LRRTM4: variants seen among roughly 807,000 people sequenced by gnomAD.
LRRTM4 encodes leucine-rich repeat transmembrane neuronal protein 4.
Under a neutral mutation model 47.6 loss-of-function variants are expected in LRRTM4, and 25 were observed. The ratio of observed to expected loss-of-function variants is 0.53; its 90% CI spans 0.38 to 0.73. The LOEUF (loss-of-function observed/expected upper bound fraction) is 0.73. LRRTM4 is among the 30% of genes least tolerant of loss of function. The pLI, the probability that LRRTM4 is intolerant of heterozygous loss-of-function variation, is 0.00. For synonymous variants in LRRTM4, 311 were observed against 269.5 expected (o/e 1.15, Z -1.51); for missense variants, 638 against 713.4 (o/e 0.89, Z 1.20).
intron 3 of LRRTM4, among the ~76,000 whole-genome samples, chr2:77,462,886 C>CATGT (rs573737033): frequency 5.3e-5 from 8 of 149,766 alleles, no homozygotes; most frequent in South Asian, 4.2e-4. Context: ...GAATGGTGTG[C>CATGT]ATGTGTGTGT....
chr2:77,393,262 T>C (rs1350281800), intron 3 of LRRTM4, among the ~76,000 whole-genome samples: 1 of 152,024 alleles, frequency 6.6e-6, no homozygotes, highest in East Asian at 1.9e-4. Flanking sequence ...TTTAGCCATG[T>C]GTCCTATATT....
intron 3 of LRRTM4, among the ~76,000 whole-genome samples, chr2:77,431,056 T>A (rs1447301545): frequency 2.0e-5 from 3 of 148,868 alleles, no homozygotes; most frequent in Admixed American, 6.6e-5. Context: ...GCATCTCAGG[T>A]CTTCTGCCTA....
At chr2:77,394,214 T>C (rs1189085060) in intron 3 of LRRTM4, among the ~76,000 whole-genome samples, 7 of 151,914 alleles carry the variant, frequency 4.6e-5, no homozygotes, top group Admixed American at 4.6e-4. Flanking sequence ...GAAAATAAAT[T>C]TAAAAATTTA....
intron 3 of LRRTM4, among the ~76,000 whole-genome samples, chr2:76,926,732 T>C (rs894910396): frequency 2.0e-5 from 3 of 152,030 alleles, no homozygotes; most frequent in Non-Finnish European, 2.9e-5. Flanking sequence ...TACTACCAGA[T>C]GCCAGCCACT....
At chr2:76,861,295 T>G (rs1424544288) in intron 3 of LRRTM4, among the ~76,000 whole-genome samples, 4 of 152,302 alleles carry the variant, frequency 2.6e-5, no homozygotes, top group African/African-American at 9.6e-5. Context: ...ACACATGAAA[T>G]ATCAGGCTAA....
chr2:77,360,238 A>C (rs1672137074), intron 3 of LRRTM4, among the ~76,000 whole-genome samples: 1 of 152,124 alleles, frequency 6.6e-6, no homozygotes, highest in Non-Finnish European at 1.5e-5. Flanking sequence ...TGGGCGAATC[A>C]CGAGGTCAGG....
intron 3 of LRRTM4, among the ~76,000 whole-genome samples, chr2:76,819,772 G>A (rs1671002618): frequency 6.6e-6 from 1 of 151,884 alleles, no homozygotes; most frequent in Non-Finnish European, 1.5e-5. Flanking sequence ...TCATATTTCA[G>A]CAGTAGATCT....
chr2:77,282,979 CA>C (rs1676547804), intron 3 of LRRTM4, among the ~76,000 whole-genome samples: 1 of 151,444 alleles, frequency 6.6e-6, no homozygotes, highest in African/African-American at 2.4e-5. Flanking sequence ...GCAACAAAAA[CA>C]AAAATTGACA....
At chr2:77,349,084 G>A (rs1671669614) in intron 3 of LRRTM4, among the ~76,000 whole-genome samples, 1 of 151,848 alleles carries the variant, frequency 6.6e-6, no homozygotes, top group Non-Finnish European at 1.5e-5. Context: ...AATCAACAGT[G>A]TTTTGGAGGA....
At chr2:77,207,372 T>TACACACACAC (rs66858623) in intron 3 of LRRTM4, among the ~76,000 whole-genome samples, 10 of 131,094 alleles carry the variant, frequency 7.6e-5, no homozygotes, top group South Asian at 5.0e-4. Context: ...TATATATATA[T>TACACACACAC]ACACACACAC....
intron 3 of LRRTM4, among the ~76,000 whole-genome samples, chr2:77,501,143 T>C (rs1169875816): frequency 1.3e-5 from 2 of 150,416 alleles, no homozygotes; most frequent in Non-Finnish European, 3.0e-5. Context: ...TATATGTATA[T>C]ATATCATTTT....
chr2:77,059,581 A>G (rs907205743), intron 3 of LRRTM4, among the ~76,000 whole-genome samples: 20 of 152,134 alleles, frequency 1.3e-4, no homozygotes, highest in African/African-American at 3.4e-4. Context: ...AGACTCAATA[A>G]TTTTGTTTTC....
chr2:77,131,104 G>A (rs1442984180), intron 3 of LRRTM4, among the ~76,000 whole-genome samples: 2 of 151,918 alleles, frequency 1.3e-5, no homozygotes, highest in Non-Finnish European at 2.9e-5. Context: ...AAAGTGCTGG[G>A]ATTACAGGCG....
intron 3 of LRRTM4, among the ~76,000 whole-genome samples, chr2:77,202,039 G>A (rs1010953612): frequency 2.6e-5 from 4 of 152,136 alleles, no homozygotes; most frequent in South Asian, 2.1e-4. Context: ...TTAAGTCCCC[G>A]GCATTGTGCA....
In LRRTM4 at chr2:77,018,040, TACTTG is replaced by T. The variant is rs539290078; in HGVS notation, c.1552-269129_1552-269125del. ...CTATGCGCATGTTTAGATCAATATA[TACTTG>T]ACTTCTTTTTATAGCTTTGGTATAC... On this transcript the variant is annotated intron_variant, in intron 3 of 3. Coordinates refer to ENST00000409884, the MANE Select transcript of LRRTM4 (RefSeq NM_001134745.3). Among the ~76,000 whole-genome samples, 262 of 152,036 alleles carry T rather than the reference TACTTG, an allele frequency of 1.7e-3. 2 individuals carry two copies. The highest frequency in any genetic ancestry group is 6.0e-3 in the African/African-American group (251 of 41,540).
At chr2:77,015,190 G>A (rs1175681600) in intron 3 of LRRTM4, among the ~76,000 whole-genome samples, 3 of 152,164 alleles carry the variant, frequency 2.0e-5, no homozygotes, top group Admixed American at 6.5e-5. Flanking sequence ...CTTCTGGATG[G>A]CCTACCCTAG....
intron 3 of LRRTM4, among the ~76,000 whole-genome samples, chr2:77,049,414 C>T (rs1213701286): frequency 6.6e-6 from 1 of 151,408 alleles, no homozygotes; most frequent in African/African-American, 2.4e-5. Flanking sequence ...ACATTCCCAC[C>T]AACAGTGTAT....
At chr2:77,486,556 A>C (rs1284335403) in intron 3 of LRRTM4, among the ~76,000 whole-genome samples, 4 of 152,162 alleles carry the variant, frequency 2.6e-5, no homozygotes, top group African/African-American at 9.7e-5. Context: ...AAAAAATAAC[A>C]ATTATAATAT....
At chr2:77,159,523 GAAA>G (rs374578663) in intron 3 of LRRTM4, among the ~76,000 whole-genome samples, 4 of 110,724 alleles carry the variant, frequency 3.6e-5, no homozygotes, top group African/African-American at 1.3e-4. Flanking sequence ...AAGTATAATG[GAAA>G]AAAAAAAAAA....
Sources: allele counts gnomAD v4.1 joint callset (sites outside exome capture counted in the v4.1 genomes callset), GRCh38; gene constraint gnomAD v4.1.1; transcripts MANE v1.5; gene names NCBI Gene and HGNC (gene_info 2026-07-23, HGNC 2026-07-21).